The following CCDC149 variants were observed in gnomAD, a reference collection of about 807,000 sequenced individuals.
CCDC149 encodes coiled-coil domain containing 149.
Under a neutral mutation model 59.9 loss-of-function variants are expected in CCDC149, and 45 were observed. The observed-to-expected ratio is 0.75, with a 90% CI of 0.59 to 0.96. The LOEUF (loss-of-function observed/expected upper bound fraction) is 0.96. CCDC149 is among the 40% of genes least tolerant of loss of function. The pLI is 0.00. For missense variants in CCDC149, 584 were observed against 664.7 expected, an observed-to-expected ratio of 0.88 and a Z score of 1.33; for synonymous variants, 245 against 260.6, an observed-to-expected ratio of 0.94 and a Z score of 0.58.
chr4:24,874,244 G>GTGTTTTTTTTTTTTTTTTTT (rs1719240939), intron 2 of CCDC149, among the ~76,000 whole-genome samples: 1 of 87,488 alleles, frequency 1.1e-5, no homozygotes, highest in Admixed American at 1.2e-4. Flanking sequence ...TATTAGATTT[G>GTGTTTTTTTTTTTTTTTTTT]TTTTTTTTTT....
In CCDC149 at chr4:24,819,982, C is replaced by T. The variant is rs1577380029; in HGVS notation, c.1076-7G>A. 3 of 1,542,662 alleles carry T rather than the reference C, an allele frequency of 1.9e-6. No individual in the cohort carries two copies. On this transcript the variant is annotated splice_region_variant and splice_polypyrimidine_tract_variant and intron_variant, in intron 11 of 12. Coordinates refer to ENST00000635206, the MANE Select transcript of CCDC149 (RefSeq NM_001330643.2). ...AGTATGGTGTCCTTGCCCCCTGTTG[C>T]AGAAAAGAGGAAAATGGATGTCTTA... is the stretch of plus-strand genomic sequence containing the variant.
intron 1 of CCDC149, among the ~76,000 whole-genome samples, chr4:24,945,086 G>A (rs1413623172): frequency 6.6e-6 from 1 of 152,144 alleles, no homozygotes; most frequent in Non-Finnish European, 1.5e-5. Flanking sequence ...TCCCCGAATG[G>A]GCTTATTGAA....
Position 24,912,994 on chromosome 4 carries a change from G to T in CCDC149, c.-115C>A. The T allele has an allele frequency of 3.4e-6, 1 of 296,206 alleles. No homozygotes were observed. Among genetic ancestry groups the T allele is most frequent in the Non-Finnish European group, 5.2e-6 (1 of 194,088 alleles). 18.3% of individuals were successfully genotyped at this position (296,206 alleles called of 1,614,324 possible). A position where few individuals can be genotyped will look rare whatever the true frequency, so the allele number is the denominator to read the frequency against. Reference sequence around the variant, plus strand: ...GGGCCCGGCGCCTCCGAGCCGCTGCGCCGCCGCCTCTCGCGGCCGCCAGCG... The same window carrying T: ...GGGCCCGGCGCCTCCGAGCCGCTGCTCCGCCGCCTCTCGCGGCCGCCAGCG... On this transcript the variant is annotated 5_prime_UTR_variant, in exon 1 of 13. Coordinates refer to ENST00000635206, the MANE Select transcript of CCDC149 (RefSeq NM_001330643.2).
intron 12 of CCDC149, among the ~76,000 whole-genome samples, chr4:24,818,160 T>C (rs1308308227): frequency 6.6e-6 from 1 of 151,072 alleles, no homozygotes; most frequent in Non-Finnish European, 1.5e-5. Flanking sequence ...GCAGAAAGAG[T>C]TGAGTGAAAG....
rs372974811 is a variant in CCDC149, at chr4:24,929,322, T to G, written c.-64-34204A>C. Among the ~76,000 whole-genome samples, 163 of 152,310 alleles carry G rather than the reference T, an allele frequency of 1.1e-3. 6 individuals carry two copies. The South Asian group carries it at 0.033, about 30-fold the overall frequency. On this transcript the variant is annotated intron_variant, in intron 1 of 12. Coordinates refer to the CCDC149 transcript ENST00000389609. ...GCTCATGAATCATGGTCTCCAGGAT[T>G]CTTCTCAGAGGCAGAAAGATTTCTG...
chr4:24,804,835 G>T (rs536283093), downstream of CCDC149, among the ~76,000 whole-genome samples: 6 of 152,192 alleles, frequency 3.9e-5, no homozygotes, highest in Non-Finnish European at 8.8e-5. Flanking sequence ...TTGGGAGGGA[G>T]GTCACAGAAG....
chr4:24,846,861 C>A (rs1344735695), intron 4 of CCDC149, among the ~76,000 whole-genome samples: 2 of 152,168 alleles, frequency 1.3e-5, no homozygotes, highest in Non-Finnish European at 2.9e-5. Context: ...TTGAATACAT[C>A]GCACTGTATT....
At position 24,816,336 on chromosome 4, in the gene CCDC149, C is replaced by T. The variant is rs747705117; in HGVS notation, c.1192+3523G>A. On this transcript the variant is annotated intron_variant, in intron 12 of 12. Coordinates refer to ENST00000635206, the MANE Select transcript of CCDC149 (RefSeq NM_001330643.2). ...CAAATTCCTGGCCTCAAGCGATCCT[C>T]TCACCTCAGCCTCCCAAAGTGCTGG... 1.7e-3 allele frequency among the ~76,000 whole-genome samples: 263 copies of T among 152,246 alleles called. 1 individual carries two copies. The highest frequency in any genetic ancestry group is 3.4e-3 in the Middle Eastern group (1 of 294).
chr4:24,866,822 C>CA (rs1718726780), intron 3 of CCDC149, among the ~76,000 whole-genome samples: 12 of 84,236 alleles, frequency 1.4e-4, no homozygotes, highest in East Asian at 3.7e-4. Context: ...CACACACACA[C>CA]CCACACACAC....
At chr4:24,973,138 T>A (rs1724031996) in intron 1 of CCDC149, among the ~76,000 whole-genome samples, 1 of 152,104 alleles carries the variant, frequency 6.6e-6, no homozygotes, top group Non-Finnish European at 1.5e-5. Flanking sequence ...CCTGTAACCC[T>A]CCCCTTCAAG....
At chr4:24,834,794 C>T (rs6838713) in intron 8 of CCDC149, among the ~76,000 whole-genome samples, 154 bp downstream of exon 8, 32,048 of 152,130 alleles carry the variant, frequency 0.21, 3,692 homozygotes, top group African/African-American at 0.29. Context: ...CAGGCCCTCC[C>T]GGCAACTCTG....
At chr4:24,814,717 G>C (rs1399484576) in intron 12 of CCDC149, among the ~76,000 whole-genome samples, 1 of 152,142 alleles carries the variant, frequency 6.6e-6, no homozygotes, top group Non-Finnish European at 1.5e-5. Context: ...TCATTGAAAG[G>C]CTGCCAGTGT....
In CCDC149 at chr4:24,912,895, C is replaced by T. The variant is rs1721978754; in HGVS notation, c.-16G>A. ...CCTCCTCCATGCGCTGGCCGGCCTCCTGGACCCCCGCCGCCTCCTCCTCCT... is the reference window on the plus strand; with the variant it reads ...CCTCCTCCATGCGCTGGCCGGCCTCTTGGACCCCCGCCGCCTCCTCCTCCT... On this transcript the variant is annotated 5_prime_UTR_variant, in exon 1 of 13. Transcript: ENST00000635206. 1.5e-6 allele frequency: 2 copies of T among 1,329,066 alleles called. No individual in the cohort carries two copies. Among genetic ancestry groups the T allele is most frequent in the Middle Eastern group, 2.4e-4 (1 of 4,238 alleles). 82.3% of individuals were successfully genotyped at this position (1,329,066 alleles called of 1,614,324 possible). A position where few individuals can be genotyped will look rare whatever the true frequency, so the allele number is the denominator to read the frequency against.
chr4:24,946,187 C>T (rs944703567), intron 1 of CCDC149, among the ~76,000 whole-genome samples: 6 of 152,180 alleles, frequency 3.9e-5, no homozygotes, highest in Non-Finnish European at 8.8e-5. Context: ...ATTTCTTCTT[C>T]CCAGTGCTGT....
intron 3 of CCDC149, among the ~76,000 whole-genome samples, chr4:24,869,883 G>A (rs1718931415): frequency 6.6e-6 from 1 of 152,200 alleles, no homozygotes; most frequent in Non-Finnish European, 1.5e-5. Context: ...TCCATCCCAA[G>A]TGATGAATCA....
downstream of CCDC149, among the ~76,000 whole-genome samples, chr4:24,805,256 C>T (rs1714092126): frequency 6.6e-6 from 1 of 152,092 alleles, no homozygotes; most frequent in Admixed American, 6.5e-5. Flanking sequence ...GGCAATCCAG[C>T]CGGAAAAATA....
intron 1 of CCDC149, among the ~76,000 whole-genome samples, chr4:24,884,860 C>G (rs938438138): frequency 6.6e-6 from 1 of 152,156 alleles, no homozygotes. Context: ...GAGAGTGACA[C>G]AGCTTAGCAA....
intron 3 of CCDC149, among the ~76,000 whole-genome samples, chr4:24,864,046 C>T (rs1430513473): frequency 5.3e-5 from 8 of 152,214 alleles, no homozygotes; most frequent in Admixed American, 3.3e-4. Context: ...TCTTTTGTCT[C>T]GGTGCTGACT....
intron 1 of CCDC149, among the ~76,000 whole-genome samples, chr4:24,884,629 A>G (rs1011983968): frequency 1.3e-5 from 2 of 152,232 alleles, no homozygotes; most frequent in African/African-American, 2.4e-5. Context: ...CGGCAGGAGG[A>G]GCTGAAAATG....
Sources: gnomAD v4.1 joint callset for allele counts (sites outside exome capture counted in the v4.1 genomes callset) on GRCh38, gnomAD v4.1.1 for gene constraint, MANE v1.5 for transcripts, NCBI Gene and HGNC (gene_info 2026-07-23, HGNC 2026-07-21) for gene names.